Variants in PPARGC1B observed in about 807,000 individuals in gnomAD.
The protein encoded by PPARGC1B is peroxisome proliferator-activated receptor gamma coactivator 1-beta.
PPARGC1B carries 34 observed loss-of-function variants against 101.6 expected under a neutral mutation model. That is an observed-to-expected ratio of 0.33 (90% CI 0.25 to 0.45). PPARGC1B has a LOEUF of 0.45. PPARGC1B is among the 20% of genes least tolerant of loss of function. The pLI is 1.00. For synonymous variants in PPARGC1B, 548 were observed against 539.3 expected, an observed-to-expected ratio of 1.02 and a Z score of -0.22; for missense variants, 1,234 against 1,317.6, an observed-to-expected ratio of 0.94 and a Z score of 0.98.
At chr5:149,732,212 C>A (rs1754526099) in intron 1 of PPARGC1B, among the ~76,000 whole-genome samples, 1 of 152,212 alleles carries the variant, frequency 6.6e-6, no homozygotes, top group South Asian at 2.1e-4. Context: ...CCTCAGTACC[C>A]CCAGAGCCGA....
intron 4 of PPARGC1B, 76 bp downstream of exon 4, chr5:149,830,959 C>A: frequency 1.0e-6 from 1 of 995,190 alleles, no homozygotes; most frequent in South Asian, 1.3e-5. Context: ...TGGAGGATAG[C>A]GAGTTCAGTC....
Position 149,834,698 on chromosome 5 carries a change from C to T in PPARGC1B, c.1730C>T (p.Ala577Val). Residue 577 changes from alanine (A) to valine (V), a missense_variant, in exon 6 of 12, where the codon GCC (alanine) becomes GTC (valine). Ala to Val is a moderately conservative substitution (Grantham distance 64). This residue lies in a region of PPARGC1B where 734 missense variants were observed against 768.4 expected (regional missense o/e 0.96). Transcript: ENST00000309241. The stretch of plus-strand genomic sequence containing the variant: ...GACTCTCCCAGGTGCCTCATGCTGG[C>T]CTTGTCACAAAGGTAGATTTTTAGA... Reference protein sequence around the residue: ...PRDSPRCLMLALSQSDPTFGK... With the variant: ...PRDSPRCLMLVLSQSDPTFGK... 2 of 1,613,246 alleles carry T rather than the reference C, an allele frequency of 1.2e-6. No individual in the cohort carries two copies. Among genetic ancestry groups the T allele is most frequent in the Middle Eastern group, 3.3e-4 (2 of 6,062 alleles).
At position 149,838,112 on chromosome 5, in the gene PPARGC1B, CA is replaced by C. The variant is rs201994385; in HGVS notation, c.2618+1048del. ...TCTTCTTCCCTTCTAAAGGGACTAG[CA>C]AAAAAAAATTTTTTTTTGTTAAATA... On this transcript the variant is annotated intron_variant, in intron 8 of 11. Coordinates refer to ENST00000309241, the MANE Select transcript of PPARGC1B (RefSeq NM_133263.4). 7.9e-3 allele frequency among the ~76,000 whole-genome samples: 1,193 copies of C among 151,460 alleles called. 12 individuals are homozygous for C. Among genetic ancestry groups the C allele is most frequent in the African/African-American group, 0.027 (1,107 of 41,294 alleles).
Position 149,847,700 on chromosome 5 carries a change from C to A in PPARGC1B, c.*142C>A. 1.6e-6 allele frequency: 1 copy of A among 613,156 alleles called. No individual in the cohort carries two copies. Among genetic ancestry groups the A allele is most frequent in the Non-Finnish European group, 2.9e-6 (1 of 348,712 alleles). The allele number at this position is 613,156 out of a possible 1,614,324, so 38.0% of individuals were successfully genotyped here. ...CGTGAGAGAGACTTGAAACTGCTGT[C>A]CTTTAAAAAAAAAAAAAATCAATGT... On this transcript the variant is annotated 3_prime_UTR_variant, in exon 12 of 12. Coordinates refer to ENST00000309241, the MANE Select transcript of PPARGC1B (RefSeq NM_133263.4).
At chr5:149,741,418 G>A (rs1011056084) in intron 1 of PPARGC1B, among the ~76,000 whole-genome samples, 10 of 152,176 alleles carry the variant, frequency 6.6e-5, no homozygotes, top group African/African-American at 2.4e-4. Context: ...AGGGCAACCC[G>A]GCCTTTATGC....
intron 1 of PPARGC1B, among the ~76,000 whole-genome samples, chr5:149,795,017 G>A (rs1256832690): frequency 6.6e-6 from 1 of 152,208 alleles, no homozygotes; most frequent in African/African-American, 2.4e-5. Context: ...CAACGGGTCA[G>A]CTAGATTCTC....
chr5:149,812,924 G>A (rs1230034718), intron 1 of PPARGC1B, among the ~76,000 whole-genome samples: 1 of 152,202 alleles, frequency 6.6e-6, no homozygotes, highest in Non-Finnish European at 1.5e-5. Context: ...TGGGTAAGAG[G>A]CAGGCCAAAT....
At chr5:149,805,345 C>T (rs1056294588) in intron 1 of PPARGC1B, among the ~76,000 whole-genome samples, 2 of 152,144 alleles carry the variant, frequency 1.3e-5, no homozygotes, top group African/African-American at 4.8e-5. Flanking sequence ...AAAATAGGTA[C>T]GTGTATATGA....
intron 1 of PPARGC1B, among the ~76,000 whole-genome samples, chr5:149,767,360 T>C (rs551226419): frequency 1.3e-5 from 2 of 152,312 alleles, no homozygotes; most frequent in South Asian, 4.1e-4. Flanking sequence ...TGAATGATTG[T>C]TTAGAAATGA....
At chr5:149,841,422 G>C (rs1361495559) in intron 9 of PPARGC1B, among the ~76,000 whole-genome samples, 1 of 152,202 alleles carries the variant, frequency 6.6e-6, no homozygotes, top group African/African-American at 2.4e-5. Context: ...GTTGACGACG[G>C]AGTCCTGTTT....
intron 4 of PPARGC1B, 47 bp downstream of exon 4, chr5:149,830,930 C>A: frequency 7.6e-7 from 1 of 1,309,530 alleles, no homozygotes; most frequent in Non-Finnish European, 1.1e-6. Flanking sequence ...TCTGTTGGGG[C>A]TGCAGCCTTC....
chr5:149,825,847 G>A (rs1055661043), intron 2 of PPARGC1B, among the ~76,000 whole-genome samples: 3 of 152,138 alleles, frequency 2.0e-5, no homozygotes, highest in African/African-American at 7.2e-5. Flanking sequence ...CATCATCATC[G>A]TCATGGCAGA....
intron 7 of PPARGC1B, 115 bp from the exon 8 acceptor site, chr5:149,836,145 TCCC>T: frequency 1.2e-6 from 1 of 852,208 alleles, no homozygotes; most frequent in Non-Finnish European, 1.9e-6. Context: ...CACCTCACCC[TCCC>T]AAAATGTTGG....
At chr5:149,797,791 T>C (rs57681978) in intron 1 of PPARGC1B, among the ~76,000 whole-genome samples, 3,630 of 152,140 alleles carry the variant, frequency 0.024, 131 homozygotes, top group African/African-American at 0.081. Flanking sequence ...TGTGGTGGCG[T>C]GTGCCTGTAA....
intron 1 of PPARGC1B, among the ~76,000 whole-genome samples, chr5:149,759,313 G>A (rs1755638311): frequency 6.6e-6 from 1 of 152,156 alleles, no homozygotes; most frequent in Non-Finnish European, 1.5e-5. Context: ...TTGAGAGCCA[G>A]TTATGTTTTA....
chr5:149,760,836 A>G (rs1254556791), intron 1 of PPARGC1B, among the ~76,000 whole-genome samples: 1 of 152,222 alleles, frequency 6.6e-6, no homozygotes, highest in Non-Finnish European at 1.5e-5. Flanking sequence ...GTGTACACCC[A>G]GTCCTGTTGG....
In PPARGC1B at chr5:149,833,259, A is replaced by T; in HGVS notation, c.1186A>T (p.Ile396Phe). Residue 396 changes from isoleucine to phenylalanine, a missense_variant, in exon 5 of 12, where the codon ATC becomes TTC. Coordinates refer to ENST00000309241, the MANE Select transcript of PPARGC1B (RefSeq NM_133263.4). The surrounding 1 kb of genome is among the most constrained non-coding windows in gnomAD (Gnocchi z 4.1). ...GRPSSVEEVR[I>F]AASPKSTGPR... ...CCCGTCCTCGGTGGAGGAGGTAAGG[A>T]TCGCAGCTTCACCCAAGAGCACCGG... The T allele has an allele frequency of 6.2e-7, 1 of 1,613,336 alleles. No homozygotes were observed. The highest frequency in any genetic ancestry group is 8.5e-7 in the Non-Finnish European group (1 of 1,179,978).
intron 1 of PPARGC1B, among the ~76,000 whole-genome samples, chr5:149,734,021 T>C (rs1754595430): frequency 6.6e-6 from 1 of 152,146 alleles, no homozygotes; most frequent in Non-Finnish European, 1.5e-5. Flanking sequence ...GATCACATCT[T>C]ATTTTTAAAA....
chr5:149,771,887 C>T (rs1053082393), intron 1 of PPARGC1B: 47 of 709,060 alleles, frequency 6.6e-5, no homozygotes, highest in Non-Finnish European at 8.5e-5. Flanking sequence ...CCAATTTCAT[C>T]CTGTTTAAGT....
Sources: allele counts gnomAD v4.1 joint callset (sites outside exome capture counted in the v4.1 genomes callset), GRCh38; gene constraint gnomAD v4.1.1; regional missense constraint gnomAD v4.1.1; non-coding constraint Gnocchi (gnomAD v3.1); transcripts MANE v1.5; gene names NCBI Gene and HGNC (gene_info 2026-07-23, HGNC 2026-07-21).